The following HIF3A variants were observed in gnomAD, a reference collection of about 807,000 sequenced individuals.
HIF3A encodes hypoxia-inducible factor 3-alpha.
A neutral mutation model predicts 67.2 loss-of-function variants in HIF3A; 41 were observed. The observed-to-expected ratio is 0.61, with a 90% CI of 0.48 to 0.79. The LOEUF (loss-of-function observed/expected upper bound fraction) is 0.79. Ranked by LOEUF, HIF3A falls within the 30% of genes least tolerant of loss-of-function variation. The pLI, the probability that HIF3A is intolerant of heterozygous loss-of-function variation, is 0.00. For missense variants in HIF3A, 855 were observed against 898.0 expected, an observed-to-expected ratio of 0.95 and a Z score of 0.61; for synonymous variants, 356 against 374.8, an observed-to-expected ratio of 0.95 and a Z score of 0.58.
rs1971981362 is a variant in HIF3A at position 46,342,958 on chromosome 19, CAT to C, written c.*3337_*3338del. On this transcript the variant is annotated 3_prime_UTR_variant, in exon 15 of 15. Coordinates refer to ENST00000377670, the MANE Select transcript of HIF3A (RefSeq NM_152795.4). ...ATGCACTTACCTTGACTTTACCCCA[CAT>C]GTTTGGGGCACCTGGGGCTCCCTCA... The C allele has an allele frequency of 2.0e-5, 3 of 152,578 alleles. No individual in the cohort carries two copies. Among genetic ancestry groups the C allele is most frequent in the Non-Finnish European group, 4.4e-5 (3 of 68,098 alleles). The allele number at this position is 152,578 out of a possible 1,614,324, so 9.5% of individuals were successfully genotyped here.
In HIF3A at chr19:46,329,438, G is replaced by A. The variant is rs200007011; in HGVS notation, c.1672G>A (p.Asp558Asn). The A allele has an allele frequency of 3.8e-4, 591 of 1,565,602 alleles. No homozygotes were observed. The Middle Eastern group carries it at 5.8e-3, about 15-fold the overall frequency. ...GAGCTGCTCCAGCCCTTCCAGAGGG[G>A]ACCCCTCAGCATCCTCTCCCATGGC... is the stretch of plus-strand genomic sequence containing the variant. The part of the protein sequence containing the change: ...RLSCSSPSRG[D>N]PSASSPMAGA... Residue 558 changes from aspartate (D) to asparagine (N), a missense_variant, in exon 12 of 15, where the codon GAC becomes AAC. Transcript: ENST00000377670.
At position 46,329,276 on chromosome 19, in the gene HIF3A, G is replaced by A. The variant is rs763030973; in HGVS notation, c.1510G>A (p.Ala504Thr). 1.2e-5 allele frequency: 19 copies of A among 1,613,110 alleles called. No individual in the cohort carries two copies. Among genetic ancestry groups the A allele is most frequent in the Middle Eastern group, 1.6e-4 (1 of 6,082 alleles). ...CATGGATGATGACTTCCAGCTCAAC[G>A]CCAGCGAGCAGCTACCCAGGGCCTA... is the stretch of plus-strand genomic sequence containing the variant. ...ISMDDDFQLN[A>T]SEQLPRAYHR... The change falls in exon 12 of 15, where the codon GCC becomes ACC. Residue 504 changes from alanine to threonine, a missense_variant. By Grantham distance (58) the Ala-to-Thr change is moderately conservative. This residue lies in a region of HIF3A where 18 missense variants were observed against 43.7 expected (regional missense o/e 0.41). Transcript: ENST00000377670.
At chr19:46,321,407 A>T (rs892608992) in intron 9 of HIF3A, among the ~76,000 whole-genome samples, 3 of 152,262 alleles carry the variant, frequency 2.0e-5, no homozygotes, top group Admixed American at 2.0e-4. Context: ...AACATGGTGA[A>T]ACCCTGTCTC....
intron 2 of HIF3A, chr19:46,305,016 C>T (rs1424094299): frequency 3.0e-6 from 2 of 664,660 alleles, no homozygotes; most frequent in African/African-American, 1.8e-5. Context: ...GAGACTCCTA[C>T]TTCCTTAGAA....
intron 3 of HIF3A, among the ~76,000 whole-genome samples, chr19:46,306,241 A>AT (rs1279179918): frequency 6.6e-6 from 1 of 152,140 alleles, no homozygotes; most frequent in East Asian, 1.9e-4. Flanking sequence ...CTATAGAAGG[A>AT]TTTTAAGCAG....
intron 11 of HIF3A, among the ~76,000 whole-genome samples, chr19:46,327,396 A>C (rs1408579753): frequency 6.6e-6 from 1 of 151,430 alleles, no homozygotes; most frequent in East Asian, 1.9e-4. Context: ...GCTCACTGCA[A>C]CTTCCAACTC....
At chr19:46,335,916 C>T (rs1400267087) in intron 14 of HIF3A, among the ~76,000 whole-genome samples, 1 of 151,820 alleles carries the variant, frequency 6.6e-6, no homozygotes, top group Non-Finnish European at 1.5e-5. Flanking sequence ...TGGCACGCAC[C>T]TGTTGTCCTA....
chr19:46,323,339 G>A (rs977500260), intron 10 of HIF3A, among the ~76,000 whole-genome samples: 1 of 151,778 alleles, frequency 6.6e-6, no homozygotes, highest in African/African-American at 2.4e-5. Context: ...ATGAGCCACC[G>A]CGCCCGGCCT....
rs1388269487 is a variant in HIF3A, at chr19:46,318,228, T to C, written c.1026-2215T>C. Among the ~76,000 whole-genome samples the C allele has an allele frequency of 7.9e-5, 12 of 151,290 alleles. No individual in the cohort carries two copies. The East Asian group carries it at 2.1e-3, about 27-fold the overall frequency. On this transcript the variant is annotated intron_variant, in intron 8 of 14. Transcript: ENST00000377670. ...ATTTGGAATTTTTTTTTTTTTTCTTTGAGACAGAGCCTTGCTCTGCCACCC... is the reference window on the plus strand; with the variant it reads ...ATTTGGAATTTTTTTTTTTTTTCTTCGAGACAGAGCCTTGCTCTGCCACCC...
At position 46,340,084 on chromosome 19, in the gene HIF3A, A is replaced by G. The variant is rs1971880353; in HGVS notation, c.*462A>G. On this transcript the variant is annotated 3_prime_UTR_variant, in exon 15 of 15. Transcript: ENST00000377670. Reference sequence around the variant, plus strand: ...TTTTTATTTTTGTCAATTTCATGATATGGTTTTTAATCATGATGAATTGCC... The same window carrying G: ...TTTTTATTTTTGTCAATTTCATGATGTGGTTTTTAATCATGATGAATTGCC... The G allele has an allele frequency of 6.5e-6, 1 of 153,028 alleles. No homozygotes were observed. The highest frequency in any genetic ancestry group is 1.4e-5 in the Non-Finnish European group (1 of 69,098). 9.5% of individuals were successfully genotyped at this position (153,028 alleles called of 1,614,324 possible).
At chr19:46,300,382 C>T (rs959497525) in intron 1 of HIF3A, among the ~76,000 whole-genome samples, 16 of 152,160 alleles carry the variant, frequency 1.1e-4, no homozygotes, top group African/African-American at 3.1e-4. Context: ...TAACCTTGGC[C>T]GGGCGCGGTG....
intron 10 of HIF3A, 37 bp from the exon 11 acceptor site, chr19:46,325,498 C>G: frequency 3.4e-6 from 5 of 1,479,498 alleles, no homozygotes; most frequent in Non-Finnish European, 4.7e-6. Context: ...CTCCCAGGCT[C>G]AAGATTTCCT....
intron 1 of HIF3A, among the ~76,000 whole-genome samples, chr19:46,302,276 G>A (rs141875522): frequency 0.1 from 15,260 of 151,946 alleles, 1,020 homozygotes; most frequent in East Asian, 0.22. Flanking sequence ...ACTACAAGGT[G>A]CCCACCACCA....
At chr19:46,313,177 G>A (rs576091446) in intron 8 of HIF3A, 1 of 576,114 alleles carries the variant, frequency 1.7e-6, no homozygotes, top group Non-Finnish European at 2.2e-6. Flanking sequence ...TTAGAACCCA[G>A]GTGGTGGAGG....
intron 8 of HIF3A, among the ~76,000 whole-genome samples, chr19:46,319,392 A>G (rs1464879557): frequency 2.6e-5 from 4 of 152,098 alleles, no homozygotes; most frequent in Non-Finnish European, 5.9e-5. Flanking sequence ...TATGCAGATG[A>G]GATACAAATG....
chr19:46,308,825 A>C (rs1281884320), intron 5 of HIF3A, 50 bp downstream of exon 5: 1 of 1,257,462 alleles, frequency 8.0e-7, no homozygotes, highest in South Asian at 1.3e-5. Flanking sequence ...GCTGGGTGTG[A>C]GCCCTGAAAG....
intron 11 of HIF3A, among the ~76,000 whole-genome samples, chr19:46,327,302 A>G (rs1601334806): frequency 6.7e-6 from 1 of 148,426 alleles, no homozygotes; most frequent in African/African-American, 2.5e-5. Context: ...CTCTGAGACC[A>G]CTTTTTTTTT....
Position 46,327,154 on chromosome 19 carries a change from CA to C in HIF3A, c.1440+1523del, listed in dbSNP as rs531482343. Among the ~76,000 whole-genome samples, 416 of 148,926 alleles carry C rather than the reference CA, an allele frequency of 2.8e-3. 3 individuals are homozygous for C. Among genetic ancestry groups the C allele is most frequent in the Middle Eastern group, 0.01 (3 of 288 alleles). On this transcript the variant is annotated intron_variant, in intron 11 of 14. Transcript: ENST00000377670. ...TGATGACAGAGCTAGACTTTTGTCC[CA>C]AAAAAAATATATATATATATAAAAA...
chr19:46,308,350 G>A, intron 4 of HIF3A, 45 bp downstream of exon 4: 1 of 1,233,668 alleles, frequency 8.1e-7, no homozygotes, highest in Non-Finnish European at 1.2e-6. Context: ...AGAGGAGGAA[G>A]CTGAGGCTCC....
Sources: gnomAD v4.1 joint callset for allele counts (sites outside exome capture counted in the v4.1 genomes callset) on GRCh38, gnomAD v4.1.1 for gene constraint, gnomAD v4.1.1 regional missense constraint, MANE v1.5 for transcripts, NCBI Gene and HGNC (gene_info 2026-07-23, HGNC 2026-07-21) for gene names.